The following USP6NL variants were observed in gnomAD, a reference collection of about 807,000 sequenced individuals.
USP6NL encodes USP6 N-terminal-like protein.
Under a neutral mutation model 61.9 loss-of-function variants are expected in USP6NL, and 26 were observed. The ratio of observed to expected loss-of-function variants is 0.42; its 90% CI spans 0.31 to 0.58. USP6NL has a LOEUF of 0.58. USP6NL is among the 20% of genes least tolerant of loss of function. USP6NL has a pLI of 0.16. For synonymous variants in USP6NL, 432 were observed against 390.1 expected (o/e 1.11, Z -1.27); for missense variants, 1,114 against 1,034.3 (o/e 1.08, Z -1.06).
rs902174943 is a variant in USP6NL, at chr10:11,574,822, T to G, written c.4+22809A>C. Among the ~76,000 whole-genome samples, 1 of 152,240 alleles carries G rather than the reference T, an allele frequency of 6.6e-6. No homozygotes were observed. The highest frequency in any genetic ancestry group is 1.5e-5 in the Non-Finnish European group (1 of 68,040). On this transcript the variant is annotated intron_variant, in intron 2 of 14. Coordinates refer to ENST00000609104, the MANE Select transcript of USP6NL (RefSeq NM_014688.5). This position sits in a 1 kb window ranked among gnomAD's most constrained non-coding sequence, Gnocchi z 4.3. ...TTTTCCCATTTTTCAGCTGGACAAC[T>G]GAGCACAGTGAATCAACCAAGGTTA...
chr10:11,587,558 T>C lies in USP6NL; in HGVS notation c.4+10073A>G, dbSNP rs1422237285. ...TTATTCTATTTTTGGCTAAAGAAAA[T>C]GTATCAGGACAAAGAGGCACCAGGT... On this transcript the variant is annotated intron_variant, in intron 2 of 14. Transcript: ENST00000609104. This position sits in a 1 kb window ranked among gnomAD's most constrained non-coding sequence, Gnocchi z 4.5. Among the ~76,000 whole-genome samples the C allele has an allele frequency of 6.6e-6, 1 of 152,112 alleles. No individual in the cohort carries two copies. The highest frequency in any genetic ancestry group is 1.5e-5 in the Non-Finnish European group (1 of 68,008).
In USP6NL at chr10:11,553,171, C is replaced by T. The variant is rs917854827; in HGVS notation, c.5-25604G>A. On this transcript the variant is annotated intron_variant, in intron 2 of 14. Transcript: ENST00000609104. This position sits in a 1 kb window ranked among gnomAD's most constrained non-coding sequence, Gnocchi z 4.8. ...CATCCTTCCTTTTACATTTGCTCCACTATCACATTAATCCACAACCATATT... is the reference window on the plus strand; with the variant it reads ...CATCCTTCCTTTTACATTTGCTCCATTATCACATTAATCCACAACCATATT... Among the ~76,000 whole-genome samples the T allele has an allele frequency of 3.9e-5, 6 of 152,196 alleles. No homozygotes were observed. Among genetic ancestry groups the T allele is most frequent in the African/African-American group, 1.4e-4 (6 of 41,460 alleles).
rs563580557 is a variant in USP6NL, at chr10:11,527,042, A to G, written c.72+458T>C. On this transcript the variant is annotated intron_variant, in intron 3 of 14. Transcript: ENST00000609104. Reference sequence around the variant, plus strand: ...GAATCAGGTAATGTCCTAGGCATTTAGGATACAAAAGTAAATCAAACAAAA... The same window carrying G: ...GAATCAGGTAATGTCCTAGGCATTTGGGATACAAAAGTAAATCAAACAAAA... Among the ~76,000 whole-genome samples the G allele has an allele frequency of 2.5e-3, 383 of 152,350 alleles. 2 individuals carry two copies. The highest frequency in any genetic ancestry group is 4.7e-3 in the Non-Finnish European group (321 of 68,024).
At position 11,532,368 on chromosome 10, in the gene USP6NL, T is replaced by C; in HGVS notation, c.5-4801A>G. The C allele has an allele frequency of 1.6e-6, 1 of 629,348 alleles. No individual in the cohort carries two copies. Among genetic ancestry groups the C allele is most frequent in the Non-Finnish European group, 2.6e-6 (1 of 391,202 alleles). 39.0% of individuals were successfully genotyped at this position (629,348 alleles called of 1,614,324 possible). A position where few individuals can be genotyped will look rare whatever the true frequency, so the allele number is the denominator to read the frequency against. On this transcript the variant is annotated intron_variant, in intron 2 of 14. Coordinates refer to ENST00000609104, the MANE Select transcript of USP6NL (RefSeq NM_014688.5). The surrounding 1 kb of genome is among the most constrained non-coding windows in gnomAD (Gnocchi z 4.1). ...AGGCAGAGGCAGCTCTACTTTAAAC[T>C]ATCTGTGAAACAAGCACAAGAAGAA...
At chr10:11,493,383 A>G (rs1027278834) in intron 7 of USP6NL, among the ~76,000 whole-genome samples, 155 bp from the exon 8 acceptor site, 3 of 152,152 alleles carry the variant, frequency 2.0e-5, no homozygotes, top group Admixed American at 2.0e-4. Context: ...AAGGTACACA[A>G]TAGAAACTTT....
intron 1 of USP6NL, among the ~76,000 whole-genome samples, chr10:11,599,728 CTTTTT>C (rs1167014471): frequency 1.5e-5 from 2 of 135,724 alleles, no homozygotes; most frequent in African/African-American, 5.4e-5. Context: ...CTCCAACCTA[CTTTTT>C]TTTTTTTTTT....
intron 6 of USP6NL, among the ~76,000 whole-genome samples, chr10:11,508,911 GAC>G (rs1834576450): frequency 6.6e-6 from 1 of 152,148 alleles, no homozygotes. Flanking sequence ...GAAGATAACT[GAC>G]ACAGTATTTA....
At chr10:11,515,890 T>C (rs1036570799) in intron 5 of USP6NL, among the ~76,000 whole-genome samples, 4 of 152,214 alleles carry the variant, frequency 2.6e-5, no homozygotes, top group African/African-American at 7.2e-5. Context: ...GTCATGTATC[T>C]TGAATAAGAT....
intron 14 of USP6NL, among the ~76,000 whole-genome samples, chr10:11,469,726 C>A (rs1832648084): frequency 1.3e-5 from 2 of 152,220 alleles, no homozygotes; most frequent in South Asian, 4.1e-4. Context: ...AGGCCCCGCA[C>A]AGTGGGGGAT....
rs11257189 is a variant in USP6NL, at chr10:11,599,754, G to A, written c.-83-2037C>T. Among the ~76,000 whole-genome samples, 671 of 136,530 alleles carry A rather than the reference G, an allele frequency of 4.9e-3. 10 individuals are homozygous for A. Among genetic ancestry groups the A allele is most frequent in the African/African-American group, 0.018 (647 of 36,052 alleles). 89.6% of individuals were successfully genotyped at this position (136,530 alleles called of 152,430 possible). On this transcript the variant is annotated intron_variant, in intron 1 of 14. Transcript: ENST00000609104. ...TTTTTTTTTTTTTTTTTTTTGAGAC[G>A]TAGTCTCGCTCTGTCGCCCAGGTTG... is the stretch of plus-strand genomic sequence containing the variant.
intron 2 of USP6NL, among the ~76,000 whole-genome samples, chr10:11,594,097 CATA>C (rs1838244281): frequency 6.6e-6 from 1 of 152,078 alleles, no homozygotes; most frequent in Non-Finnish European, 1.5e-5. Context: ...ACCACATATC[CATA>C]ATTTTTTTTT....
Position 11,561,720 on chromosome 10 carries a change from T to G in USP6NL, c.5-34153A>C, listed in dbSNP as rs1048910047. The stretch of plus-strand genomic sequence containing the variant: ...CTTTTGCGCAGATGCAGAAATGGTA[T>G]TTCTATAGAATACTGACTTGCAGAC... On this transcript the variant is annotated intron_variant, in intron 2 of 14. Transcript: ENST00000609104. This position sits in a 1 kb window ranked among gnomAD's most constrained non-coding sequence, Gnocchi z 4.1. Among the ~76,000 whole-genome samples the G allele has an allele frequency of 3.9e-5, 6 of 152,238 alleles. No homozygotes were observed. The highest frequency in any genetic ancestry group is 7.3e-5 in the Non-Finnish European group (5 of 68,036).
chr10:11,534,816 T>C (rs914668034), intron 2 of USP6NL, among the ~76,000 whole-genome samples: 1 of 152,228 alleles, frequency 6.6e-6, no homozygotes, highest in Admixed American at 6.5e-5. Flanking sequence ...ATTATGATTA[T>C]GTAAGAACTG....
chr10:11,493,363 T>C, intron 7 of USP6NL, 135 bp from the exon 8 acceptor site: 1 of 707,456 alleles, frequency 1.4e-6, no homozygotes, highest in Admixed American at 2.8e-5. Flanking sequence ...ATCAAAACTA[T>C]ATATACAAAA....
At chr10:11,514,580 T>G (rs1261454877) in intron 5 of USP6NL, among the ~76,000 whole-genome samples, 1 of 152,174 alleles carries the variant, frequency 6.6e-6, no homozygotes, top group Non-Finnish European at 1.5e-5. Flanking sequence ...CCTTCAAATT[T>G]GTCCTTTTGA....
chr10:11,462,820 A>C lies in USP6NL; in HGVS notation c.2108T>G (p.Val703Gly). 6.2e-7 allele frequency: 1 copy of C among 1,613,994 alleles called. No individual in the cohort carries two copies. The highest frequency in any genetic ancestry group is 1.7e-5 in the Admixed American group (1 of 60,016). The change falls in exon 15 of 15, where the codon GTT (valine) becomes GGT (glycine). Residue 703 changes from valine (V) to glycine (G), a missense_variant. Transcript: ENST00000609104. ...LPSSRIEVLPVDTGAGGYSGN... is the reference protein window; with the variant it reads ...LPSSRIEVLPGDTGAGGYSGN... ...CGAATATCCCCCAGCACCAGTGTCA[A>C]CAGGGAGGACTTCTATTCGACTAGA...
chr10:11,489,328 C>A lies in USP6NL; in HGVS notation c.544-106G>T. The A allele has an allele frequency of 7.1e-7, 1 of 1,411,280 alleles. No individual in the cohort carries two copies. Among genetic ancestry groups the A allele is most frequent in the Non-Finnish European group, 9.6e-7 (1 of 1,042,128 alleles). The allele number at this position is 1,411,280 out of a possible 1,614,324, so 87.4% of individuals were successfully genotyped here. On this transcript the variant is annotated intron_variant, in intron 9 of 14. Transcript: ENST00000609104. The surrounding 1 kb of genome is among the most constrained non-coding windows in gnomAD (Gnocchi z 5.7). ...AAAACCAGAAAATGCCTACACACAT[C>A]ATTTAATGGTCCATTCTAGAGACAA...
At chr10:11,543,808 T>TG (rs1836163859) in intron 2 of USP6NL, among the ~76,000 whole-genome samples, 1 of 119,340 alleles carries the variant, frequency 8.4e-6, no homozygotes, top group South Asian at 3.2e-4. Flanking sequence ...TTTAGGTTTT[T>TG]TTTTTTTTTT....
Position 11,548,367 on chromosome 10 carries a change from A to T in USP6NL, c.5-20800T>A, listed in dbSNP as rs1261116028. 6.6e-6 allele frequency among the ~76,000 whole-genome samples: 1 copy of T among 152,216 alleles called. No individual in the cohort carries two copies. On this transcript the variant is annotated intron_variant, in intron 2 of 14. Transcript: ENST00000609104. This position sits in a 1 kb window ranked among gnomAD's most constrained non-coding sequence, Gnocchi z 4.3. ...CTTTTATTTTCTGGCTGTTAAGTCA[A>T]TTTAATGGGTTCTTATTAGCACATA... is the stretch of plus-strand genomic sequence containing the variant.
Sources: gnomAD v4.1 joint callset for allele counts (sites outside exome capture counted in the v4.1 genomes callset) on GRCh38, gnomAD v4.1.1 for gene constraint, Gnocchi (gnomAD v3.1) non-coding constraint, MANE v1.5 for transcripts, NCBI Gene and HGNC (gene_info 2026-07-23, HGNC 2026-07-21) for gene names.